The following GAB2 variants were observed in gnomAD, a reference collection of about 807,000 sequenced individuals.
The protein encoded by GAB2 is GRB2 associated binding protein 2, also known as GRB2-associated-binding protein 2.
GAB2 carries 26 observed loss-of-function variants against 65.5 expected under a neutral mutation model. The ratio of observed to expected loss-of-function variants is 0.40; its 90% confidence interval spans 0.29 to 0.55. GAB2 has a LOEUF of 0.55. GAB2 is among the 20% of genes least tolerant of loss of function. GAB2 has a pLI of 0.53. For missense variants in GAB2, 884 were observed against 875.8 expected, an observed-to-expected ratio of 1.01 and a Z score of -0.12; for synonymous variants, 321 against 329.6, an observed-to-expected ratio of 0.97 and a Z score of 0.28.
intron 1 of GAB2, among the ~76,000 whole-genome samples, chr11:78,291,421 G>T (rs962826929): frequency 2.0e-5 from 3 of 149,732 alleles, no homozygotes; most frequent in Non-Finnish European, 4.4e-5. Context: ...AGCGGAGATC[G>T]CACCACTGCA....
chr11:78,361,183 C>T (rs1423795295), intron 1 of GAB2, among the ~76,000 whole-genome samples: 1 of 152,020 alleles, frequency 6.6e-6, no homozygotes, highest in Non-Finnish European at 1.5e-5. Flanking sequence ...CAAAGTTGAA[C>T]CTGTACCTCT....
chr11:78,301,919 C>T (rs952135593), intron 1 of GAB2, among the ~76,000 whole-genome samples: 1 of 152,000 alleles, frequency 6.6e-6, no homozygotes, highest in African/African-American at 2.4e-5. Context: ...TTCAACAAAG[C>T]GAACAAAAAC....
At chr11:78,250,118 C>T (rs142789365) in intron 3 of GAB2, 39 bp downstream of exon 3, 64 of 1,604,114 alleles carry the variant, frequency 4.0e-5, no homozygotes, top group South Asian at 4.4e-5. Context: ...GCCCTGTGAG[C>T]GGTCACTAAC....
intron 1 of GAB2, among the ~76,000 whole-genome samples, chr11:78,331,647 T>C (rs116159548): frequency 0.035 from 5,387 of 152,276 alleles, 292 homozygotes; most frequent in African/African-American, 0.12. Flanking sequence ...TTGCTATCCT[T>C]ACCACAGAAA....
chr11:78,415,102 C>T (rs1357335114), intron 1 of GAB2, among the ~76,000 whole-genome samples: 2 of 152,192 alleles, frequency 1.3e-5, no homozygotes, highest in Admixed American at 6.5e-5. Flanking sequence ...GAACTTCTGA[C>T]CTCCAGTGAT....
At chr11:78,327,456 TG>T (rs1855843385) in intron 1 of GAB2, among the ~76,000 whole-genome samples, 4 of 152,216 alleles carry the variant, frequency 2.6e-5, no homozygotes. Flanking sequence ...AAACAGATTT[TG>T]GGGCCAAGAT....
intron 1 of GAB2, among the ~76,000 whole-genome samples, chr11:78,414,156 C>G (rs868378223): frequency 6.6e-6 from 1 of 151,280 alleles, no homozygotes; most frequent in Non-Finnish European, 1.5e-5. Flanking sequence ...GAAAATGTGG[C>G]CATTCATCGT....
At chr11:78,301,150 T>C (rs1867006839) in intron 1 of GAB2, among the ~76,000 whole-genome samples, 1 of 152,148 alleles carries the variant, frequency 6.6e-6, no homozygotes, top group Non-Finnish European at 1.5e-5. Flanking sequence ...TATAAGTCCT[T>C]TACATATTCT....
chr11:78,274,519 C>A (rs1184424617), intron 2 of GAB2, among the ~76,000 whole-genome samples: 2 of 152,142 alleles, frequency 1.3e-5, no homozygotes, highest in African/African-American at 2.4e-5. Context: ...CATGGAGAAG[C>A]AGAAGCATGG....
At chr11:78,349,573 G>C (rs114712183) in intron 1 of GAB2, among the ~76,000 whole-genome samples, 1 of 152,124 alleles carries the variant, frequency 6.6e-6, no homozygotes, top group Non-Finnish European at 1.5e-5. Context: ...CAGTGCTTAG[G>C]GCATCCTCAG....
chr11:78,239,281 C>T lies in GAB2; in HGVS notation c.620+10876G>A, dbSNP rs187326731. On this transcript the variant is annotated intron_variant, in intron 3 of 9. Coordinates refer to ENST00000361507, the MANE Select transcript of GAB2 (RefSeq NM_080491.3). ...TGTTGCCCAGGCTGGAGTACAATGG[C>T]GTGATCTAAGTTCACTGCAACCTCC... Among the ~76,000 whole-genome samples the T allele has an allele frequency of 1.8e-3, 268 of 152,168 alleles. 2 individuals carry two copies. Among genetic ancestry groups the T allele is most frequent in the Middle Eastern group, 6.8e-3 (2 of 294 alleles).
intron 1 of GAB2, among the ~76,000 whole-genome samples, chr11:78,336,480 G>GT (rs59349951): frequency 0.68 from 86,522 of 127,284 alleles, 29,057 homozygotes; most frequent in Non-Finnish European, 0.81. Context: ...AATAGTTGTT[G>GT]TTTTTTTTTT....
At chr11:78,280,400 ACTT>A (rs1239031450) in intron 2 of GAB2, 198 bp downstream of exon 2, 2 of 594,430 alleles carry the variant, frequency 3.4e-6, no homozygotes, top group Non-Finnish European at 6.0e-6. Context: ...CAACCCCAAC[ACTT>A]TTTTTTGGTT....
At chr11:78,258,964 A>C (rs563167529) in intron 2 of GAB2, among the ~76,000 whole-genome samples, 1 of 152,040 alleles carries the variant, frequency 6.6e-6, no homozygotes, top group South Asian at 2.1e-4. Context: ...AGATTATTTC[A>C]TCACCCAGGT....
At chr11:78,285,440 C>A (rs1269886777) in intron 1 of GAB2, among the ~76,000 whole-genome samples, 1 of 152,170 alleles carries the variant, frequency 6.6e-6, no homozygotes, top group Non-Finnish European at 1.5e-5. Context: ...ATTCACACAT[C>A]CCTCTTCCAC....
Position 78,269,971 on chromosome 11 carries a change from A to C in GAB2, c.376+10630T>G, listed in dbSNP as rs559775423. Among the ~76,000 whole-genome samples, 16 of 152,306 alleles carry C rather than the reference A, an allele frequency of 1.1e-4. 1 individual carries two copies. In the South Asian group the frequency reaches 1.9e-3, roughly 18 times the overall value. On this transcript the variant is annotated intron_variant, in intron 2 of 9. Coordinates refer to ENST00000361507, the MANE Select transcript of GAB2 (RefSeq NM_080491.3). ...TACAAAATGGGGCTCTGGTGAGCTA[A>C]ATTGCCTGAGCTGTAACTCACAGTA... is the stretch of plus-strand genomic sequence containing the variant.
intron 2 of GAB2, among the ~76,000 whole-genome samples, chr11:78,252,012 A>G (rs1270604784): frequency 6.6e-6 from 1 of 152,240 alleles, no homozygotes; most frequent in Admixed American, 6.5e-5. Context: ...TAAAGATGTA[A>G]TCTTAGGCAG....
chr11:78,253,333 T>C (rs1254724088), intron 2 of GAB2, among the ~76,000 whole-genome samples: 1 of 152,126 alleles, frequency 6.6e-6, no homozygotes, highest in Non-Finnish European at 1.5e-5. Context: ...GCTCTGTTGC[T>C]CAGGCTGGAG....
At chr11:78,332,794 G>A (rs539533236) in intron 1 of GAB2, among the ~76,000 whole-genome samples, 5 of 152,220 alleles carry the variant, frequency 3.3e-5, no homozygotes, top group Admixed American at 6.5e-5. Context: ...TATTGACTTT[G>A]AGAAAGAACC....
Sources: allele counts gnomAD v4.1 joint callset (sites outside exome capture counted in the v4.1 genomes callset), GRCh38; gene constraint gnomAD v4.1.1; transcripts MANE v1.5; gene names NCBI Gene and HGNC (gene_info 2026-07-23, HGNC 2026-07-21).